The following COL23A1 variants were observed in gnomAD, a reference collection of about 807,000 sequenced individuals.
COL23A1 encodes collagen type XXIII alpha 1 chain.
In COL23A1, 97 loss-of-function variants were observed where a neutral mutation model predicts 99.3. That is an observed-to-expected ratio of 0.98 (90% CI 0.83 to 1.16). COL23A1 has a LOEUF of 1.16. Ranked by LOEUF, COL23A1 falls within the 50% of genes most tolerant of loss-of-function variation. The pLI is 0.00. For synonymous variants in COL23A1, 320 were observed against 308.2 expected (o/e 1.04, Z -0.40); for missense variants, 762 against 757.4 (o/e 1.01, Z -0.07).
intron 2 of COL23A1, among the ~76,000 whole-genome samples, chr5:178,355,177 G>A (rs1438413142): frequency 1.3e-5 from 2 of 152,062 alleles, no homozygotes; most frequent in Admixed American, 6.5e-5. Context: ...GATGTGTATT[G>A]GTTATATGCA....
intron 2 of COL23A1, among the ~76,000 whole-genome samples, chr5:178,403,137 A>AAAAAAAAAAAAAAGAG (rs1561940793): frequency 7.3e-6 from 1 of 137,060 alleles, no homozygotes; most frequent in African/African-American, 2.8e-5. Context: ...TAAATAAAAA[A>AAAAAAAAAAAAAAGAG]TAAATACCAT....
chr5:178,347,587 TA>T (rs999487177), intron 2 of COL23A1, among the ~76,000 whole-genome samples: 87 of 145,648 alleles, frequency 6.0e-4, no homozygotes, highest in African/African-American at 1.1e-3. Flanking sequence ...ATATCTCTAT[TA>T]AAAAAAAAAA....
At chr5:178,541,206 G>A (rs1040243730) in intron 2 of COL23A1, among the ~76,000 whole-genome samples, 5 of 152,192 alleles carry the variant, frequency 3.3e-5, no homozygotes, top group African/African-American at 9.6e-5. Context: ...ATAACTAAAA[G>A]AAAAGAGACA....
In COL23A1 at chr5:178,250,094, T is replaced by C. The variant is rs1359146567; in HGVS notation, c.1026A>G (p.Gly342=). The C allele has an allele frequency of 1.9e-6, 3 of 1,614,044 alleles. No individual in the cohort carries two copies. The change falls in exon 18 of 29, where the codon GGA becomes GGG. Residue 342 remains glycine, a synonymous_variant. Transcript: ENST00000390654. ...CATCGATTCCTGGGGCACCGGGCAA[T>C]CCAAGCTCGCCCTGGAAGGGAAGAG... ...PGIPGAKGEL[G]LPGAPGIDGE... is the part of the protein sequence containing the mutation.
chr5:178,458,773 C>T (rs191754830), intron 2 of COL23A1, among the ~76,000 whole-genome samples: 2 of 152,324 alleles, frequency 1.3e-5, no homozygotes, highest in Admixed American at 6.5e-5. Context: ...GCATGATCAA[C>T]AGCAGTGAAC....
At chr5:178,414,260 GTATC>G (rs1293883913) in intron 2 of COL23A1, among the ~76,000 whole-genome samples, 1 of 152,238 alleles carries the variant, frequency 6.6e-6, no homozygotes, top group Non-Finnish European at 1.5e-5. Context: ...CTGTAAATGA[GTATC>G]TACCACCTGC....
chr5:178,246,148 G>T, intron 24 of COL23A1, 106 bp downstream of exon 24: 1 of 1,315,310 alleles, frequency 7.6e-7, no homozygotes, highest in Non-Finnish European at 1.1e-6. Flanking sequence ...CTCTGGCCCT[G>T]CGAAGTGCAG....
chr5:178,459,586 A>G (rs1465890232), intron 2 of COL23A1, among the ~76,000 whole-genome samples: 1 of 152,134 alleles, frequency 6.6e-6, no homozygotes, highest in Non-Finnish European at 1.5e-5. Context: ...ACGTGGTGAA[A>G]CCTCATTTCT....
Position 178,281,147 on chromosome 5 carries a change from T to TG in COL23A1, c.441+7176dup, listed in dbSNP as rs1331507756. Among the ~76,000 whole-genome samples, 8 of 152,168 alleles carry TG rather than the reference T, an allele frequency of 5.3e-5. No homozygotes were observed. The highest frequency in any genetic ancestry group is 5.9e-5 in the Non-Finnish European group (4 of 68,018). ...CAGCTTCACTAGAATCTGGGGATTG[T>TG]GGGGTGGCACTGTAGGGGTCAGACG... On this transcript the variant is annotated intron_variant, in intron 5 of 28. Transcript: ENST00000390654. The surrounding 1 kb of genome is among the most constrained non-coding windows in gnomAD (Gnocchi z 4.0).
At chr5:178,399,950 T>A (rs1056859191) in intron 2 of COL23A1, among the ~76,000 whole-genome samples, 13 of 152,176 alleles carry the variant, frequency 8.5e-5, no homozygotes, top group Admixed American at 8.5e-4. Flanking sequence ...GGGGACAGGG[T>A]TCCTGGCACT....
At chr5:178,393,046 G>A (rs900995960) in intron 2 of COL23A1, among the ~76,000 whole-genome samples, 37 of 152,200 alleles carry the variant, frequency 2.4e-4, no homozygotes, top group African/African-American at 8.4e-4. Flanking sequence ...GACCCACAGC[G>A]GGTGCCTGGC....
At chr5:178,536,496 C>T (rs1414710023) in intron 2 of COL23A1, among the ~76,000 whole-genome samples, 3 of 152,232 alleles carry the variant, frequency 2.0e-5, no homozygotes, top group Non-Finnish European at 4.4e-5. Context: ...ACAGGTTGTA[C>T]AATAAGGACC....
At chr5:178,550,279 T>C (rs1761931749) in intron 2 of COL23A1, among the ~76,000 whole-genome samples, 1 of 152,210 alleles carries the variant, frequency 6.6e-6, no homozygotes, top group Admixed American at 6.5e-5. Flanking sequence ...AAGGAAATGT[T>C]TTCTTCTATG....
intron 1 of COL23A1, among the ~76,000 whole-genome samples, chr5:178,576,435 A>G (rs954815309): frequency 2.0e-5 from 3 of 152,132 alleles, no homozygotes; most frequent in Non-Finnish European, 4.4e-5. Context: ...GGGTTTCGCC[A>G]TACTGGCGAG....
At chr5:178,381,943 G>A (rs1308648699) in intron 2 of COL23A1, among the ~76,000 whole-genome samples, 2 of 152,216 alleles carry the variant, frequency 1.3e-5, no homozygotes, top group Non-Finnish European at 2.9e-5. Context: ...GCATTGCCTG[G>A]AATTTTTGGA....
chr5:178,490,248 AC>A (rs1757856092), intron 2 of COL23A1, among the ~76,000 whole-genome samples: 1 of 151,940 alleles, frequency 6.6e-6, no homozygotes, highest in African/African-American at 2.4e-5. Context: ...AAAACAAAAA[AC>A]AAAAAATGAG....
chr5:178,288,574 C>T (rs755811256), intron 4 of COL23A1: 35 of 621,182 alleles, frequency 5.6e-5, no homozygotes, highest in South Asian at 1.4e-4. Context: ...AGGGCTTCAT[C>T]GGGGCTCCGG....
chr5:178,366,147 G>A lies in COL23A1; in HGVS notation c.362-59228C>T, dbSNP rs1043695691. 6.6e-6 allele frequency among the ~76,000 whole-genome samples: 1 copy of A among 152,166 alleles called. No homozygotes were observed. Among genetic ancestry groups the A allele is most frequent in the African/African-American group, 2.4e-5 (1 of 41,442 alleles). On this transcript the variant is annotated intron_variant, in intron 2 of 28. Coordinates refer to ENST00000390654, the MANE Select transcript of COL23A1 (RefSeq NM_173465.4). The surrounding 1 kb of genome is among the most constrained non-coding windows in gnomAD (Gnocchi z 4.4). ...AGCTCCATCTACCCTACGAGGAGGC[G>A]AGTCCCCAAGGGCAGGGCTGGGTCT...
intron 2 of COL23A1, among the ~76,000 whole-genome samples, chr5:178,346,817 C>T (rs1232150283): frequency 1.3e-5 from 2 of 152,220 alleles, no homozygotes; most frequent in Non-Finnish European, 2.9e-5. Context: ...TATGCAGCGG[C>T]CCGTCGGAGC....
Sources: gnomAD v4.1 joint callset for allele counts (sites outside exome capture counted in the v4.1 genomes callset) on GRCh38, gnomAD v4.1.1 for gene constraint, Gnocchi (gnomAD v3.1) non-coding constraint, MANE v1.5 for transcripts, NCBI Gene and HGNC (gene_info 2026-07-23, HGNC 2026-07-21) for gene names.